Variants in PTH2R observed in about 807,000 individuals in gnomAD.
The protein encoded by PTH2R is PTH2 receptor.
A neutral mutation model predicts 60.3 loss-of-function variants in PTH2R; 59 were observed. The ratio of observed to expected loss-of-function variants is 0.98; its 90% CI spans 0.79 to 1.22. PTH2R has a LOEUF of 1.22. Ranked by LOEUF, PTH2R falls within the 50% of genes most tolerant of loss-of-function variation. The pLI, the probability that PTH2R is intolerant of heterozygous loss-of-function variation, is 0.00. For synonymous variants in PTH2R, 256 were observed against 243.8 expected, an observed-to-expected ratio of 1.05 and a Z score of -0.47; for missense variants, 749 against 682.6, an observed-to-expected ratio of 1.10 and a Z score of -1.08.
At chr2:208,418,480 C>T (rs937630604) in intron 1 of PTH2R, among the ~76,000 whole-genome samples, 4 of 151,342 alleles carry the variant, frequency 2.6e-5, no homozygotes, top group Non-Finnish European at 4.4e-5. Flanking sequence ...GATAATACAC[C>T]ACAAATATCA....
At chr2:208,473,704 G>T (rs929739858) in intron 9 of PTH2R, among the ~76,000 whole-genome samples, 5 of 152,030 alleles carry the variant, frequency 3.3e-5, no homozygotes, top group African/African-American at 9.7e-5. Flanking sequence ...TGGTGCCTAG[G>T]AAATATTGGC....
chr2:208,432,301 G>A (rs1437411), intron 2 of PTH2R, among the ~76,000 whole-genome samples: 5,036 of 152,264 alleles, frequency 0.033, 261 homozygotes, highest in African/African-American at 0.11. Flanking sequence ...CCTTTTCCCT[G>A]TGGGGTTAAT....
intron 9 of PTH2R, among the ~76,000 whole-genome samples, chr2:208,476,670 A>C (rs915444519): frequency 3.9e-5 from 6 of 152,220 alleles, no homozygotes; most frequent in African/African-American, 1.4e-4. Flanking sequence ...TGGGGTGAGC[A>C]GATATGATGT....
intron 9 of PTH2R, among the ~76,000 whole-genome samples, chr2:208,461,373 T>C (rs1324999213): frequency 6.6e-6 from 1 of 152,174 alleles, no homozygotes; most frequent in Non-Finnish European, 1.5e-5. Context: ...GATTTCCCTT[T>C]CACTCATTGG....
At chr2:208,410,352 A>T (rs1325965745) in intron 1 of PTH2R, among the ~76,000 whole-genome samples, 1 of 152,178 alleles carries the variant, frequency 6.6e-6, no homozygotes, top group African/African-American at 2.4e-5. Context: ...AGCAGCCATG[A>T]TTTATACTCT....
chr2:208,476,012 T>G (rs1702994799), intron 9 of PTH2R, among the ~76,000 whole-genome samples: 1 of 152,194 alleles, frequency 6.6e-6, no homozygotes, highest in Non-Finnish European at 1.5e-5. Flanking sequence ...TTTAAATAAA[T>G]GTTTTGTTTT....
rs563512023 is a variant in PTH2R at position 208,494,127 on chromosome 2, A to T, written c.*468A>T. 1 of 152,532 alleles carries T rather than the reference A, an allele frequency of 6.6e-6. No individual in the cohort carries two copies. 9.4% of individuals were successfully genotyped at this position (152,532 alleles called of 1,614,324 possible). On this transcript the variant is annotated 3_prime_UTR_variant, in exon 13 of 13. Coordinates refer to ENST00000272847, the MANE Select transcript of PTH2R (RefSeq NM_005048.4). ...ATAGGAGCAATTAGGATCTAAAAAA[A>T]TATATGGGAAGATAAAAGATCTAAG...
At chr2:208,414,459 T>C (rs1252155908) in intron 1 of PTH2R, among the ~76,000 whole-genome samples, 1 of 152,202 alleles carries the variant, frequency 6.6e-6, no homozygotes, top group African/African-American at 2.4e-5. Flanking sequence ...TTCCTCATAG[T>C]ATTCCCCCAA....
chr2:208,411,169 C>T (rs1701532787), intron 1 of PTH2R, among the ~76,000 whole-genome samples: 2 of 152,130 alleles, frequency 1.3e-5, no homozygotes, highest in African/African-American at 2.4e-5. Context: ...TCGCTTGAAC[C>T]CTGGAGGCAG....
At chr2:208,392,694 G>A (rs1398870282) in intron 1 of PTH2R, among the ~76,000 whole-genome samples, 5 of 152,114 alleles carry the variant, frequency 3.3e-5, no homozygotes, top group South Asian at 4.1e-4. Context: ...TTCCTGAGAC[G>A]CCTCTTACAG....
At chr2:208,447,426 A>C (rs1702308915) in intron 7 of PTH2R, among the ~76,000 whole-genome samples, 1 of 151,976 alleles carries the variant, frequency 6.6e-6, no homozygotes, top group African/African-American at 2.4e-5. Flanking sequence ...GCCTCTACTA[A>C]AAATACAAAA....
intron 2 of PTH2R, among the ~76,000 whole-genome samples, chr2:208,430,449 C>A (rs1296019414): frequency 6.6e-6 from 1 of 151,564 alleles, no homozygotes; most frequent in Non-Finnish European, 1.5e-5. Flanking sequence ...ACTTCTATCA[C>A]CTAAAGATAC....
intron 1 of PTH2R, among the ~76,000 whole-genome samples, chr2:208,381,869 G>T (rs747430415): frequency 4.6e-5 from 7 of 152,112 alleles, no homozygotes; most frequent in Non-Finnish European, 1.0e-4. Flanking sequence ...CTTGCAAACA[G>T]ATATCATATA....
At chr2:208,384,000 C>A (rs539602070) in intron 1 of PTH2R, among the ~76,000 whole-genome samples, 4 of 152,210 alleles carry the variant, frequency 2.6e-5, no homozygotes, top group Non-Finnish European at 2.9e-5. Context: ...TAGTTATGAC[C>A]CTTTGTGTAG....
At chr2:208,427,136 T>G (rs531190553) in intron 1 of PTH2R, among the ~76,000 whole-genome samples, 1 of 152,326 alleles carries the variant, frequency 6.6e-6, no homozygotes, top group South Asian at 2.1e-4. Flanking sequence ...GAATCAAATG[T>G]ATAGTTCTGA....
chr2:208,400,349 A>T (rs1482901326), intron 1 of PTH2R, among the ~76,000 whole-genome samples: 4 of 152,198 alleles, frequency 2.6e-5, no homozygotes, highest in African/African-American at 9.6e-5. Context: ...CTCAGCATAA[A>T]TATCTTCCCA....
At chr2:208,424,505 G>A (rs1701819099) in intron 1 of PTH2R, among the ~76,000 whole-genome samples, 1 of 152,174 alleles carries the variant, frequency 6.6e-6, no homozygotes, top group South Asian at 2.1e-4. Flanking sequence ...CACTTGCCAA[G>A]GCTTGACATA....
At chr2:208,451,124 G>A (rs898645868) in intron 8 of PTH2R, among the ~76,000 whole-genome samples, 1 of 152,094 alleles carries the variant, frequency 6.6e-6, no homozygotes, top group Admixed American at 6.6e-5. Flanking sequence ...TTTAGTGAAA[G>A]CAGGTTGAAG....
At chr2:208,429,205 G>C (rs1339641877) in intron 2 of PTH2R, among the ~76,000 whole-genome samples, 1 of 151,750 alleles carries the variant, frequency 6.6e-6, no homozygotes, top group Non-Finnish European at 1.5e-5. Flanking sequence ...ATGTTTTATA[G>C]TGTCCACTAG....
Sources: allele counts gnomAD v4.1 joint callset (sites outside exome capture counted in the v4.1 genomes callset), GRCh38; gene constraint gnomAD v4.1.1; transcripts MANE v1.5; gene names NCBI Gene and HGNC (gene_info 2026-07-23, HGNC 2026-07-21).